MTCL2: variants seen among roughly 807,000 people sequenced by gnomAD.
MTCL2 encodes the protein microtubule crosslinking factor 2.
the MTCL2 span, chr20:36,783,866 G>A: frequency 8.1e-6 from 8 of 984,992 alleles, no homozygotes; most frequent in Admixed American, 1.8e-4. Flanking sequence ...GCTAAAAACC[G>A]AACCAAACCA....
At chr20:36,807,800 G>A in the MTCL2 span, among the ~76,000 whole-genome samples, 2 of 151,250 alleles carry the variant, frequency 1.3e-5, no homozygotes, top group Admixed American at 6.6e-5. Flanking sequence ...GGGAGGCCAA[G>A]GCAGGTGGAT....
chr20:36,824,427 C>T, the MTCL2 span, among the ~76,000 whole-genome samples: 1 of 152,092 alleles, frequency 6.6e-6, no homozygotes, highest in Non-Finnish European at 1.5e-5. Context: ...TCACCAAAGA[C>T]TCCATTTGGA....
the MTCL2 span, chr20:36,793,415 G>A: frequency 6.4e-7 from 1 of 1,551,448 alleles, no homozygotes; most frequent in South Asian, 1.2e-5. The surrounding 1 kb of genome is among the most constrained non-coding windows in gnomAD (Gnocchi z 6.8). Flanking sequence ...TGGGGAGAGG[G>A]GCTCTGGCTT....
chr20:36,860,325 C>A, the MTCL2 span, among the ~76,000 whole-genome samples: 2 of 152,024 alleles, frequency 1.3e-5, no homozygotes, highest in South Asian at 4.1e-4. Context: ...GGCAAACTGT[C>A]CCCTTTACCC....
At chr20:36,837,877 C>T in the MTCL2 span, among the ~76,000 whole-genome samples, 13 of 152,014 alleles carry the variant, frequency 8.6e-5, no homozygotes, top group South Asian at 2.1e-4. Flanking sequence ...GTGCCCAGCC[C>T]GCATTATTTC....
chr20:36,788,494 C>T, the MTCL2 span, among the ~76,000 whole-genome samples: 1 of 151,872 alleles, frequency 6.6e-6, no homozygotes, highest in Non-Finnish European at 1.5e-5. Flanking sequence ...AAAAATTAGC[C>T]GGGCGCGGTG....
At chr20:36,835,784 A>T in the MTCL2 span, among the ~76,000 whole-genome samples, 1 of 152,022 alleles carries the variant, frequency 6.6e-6, no homozygotes, top group South Asian at 2.1e-4. Flanking sequence ...TTCAAACCCC[A>T]ACAGAAACGG....
chr20:36,787,291 G>A, the MTCL2 span, among the ~76,000 whole-genome samples: 33 of 151,824 alleles, frequency 2.2e-4, 1 homozygote, highest in East Asian at 4.9e-3. Context: ...GCAGTGGTAC[G>A]ATCTTGACTC....
chr20:36,861,071 C>T, the MTCL2 span, among the ~76,000 whole-genome samples: 1 of 152,210 alleles, frequency 6.6e-6, no homozygotes, highest in Admixed American at 6.5e-5. Flanking sequence ...TGCAACCCAT[C>T]CCCCTTCACC....
chr20:36,804,472 G>T, the MTCL2 span, among the ~76,000 whole-genome samples: 1 of 152,140 alleles, frequency 6.6e-6, no homozygotes. Context: ...AGCAGGCAGT[G>T]GGGATGTGCA....
At chr20:36,812,560 T>C in the MTCL2 span, 1 of 1,057,480 alleles carries the variant, frequency 9.5e-7, no homozygotes, top group Non-Finnish European at 1.3e-6. Context: ...CTTCTGGCCT[T>C]GGCTGCCAAG....
the MTCL2 span, among the ~76,000 whole-genome samples, chr20:36,804,314 A>C: frequency 6.6e-6 from 1 of 151,904 alleles, no homozygotes; most frequent in Non-Finnish European, 1.5e-5. Context: ...CAGACACCAA[A>C]CCCCCAGGGC....
chr20:36,794,534 C>T, the MTCL2 span: 4 of 1,613,908 alleles, frequency 2.5e-6, no homozygotes, highest in African/African-American at 5.3e-5. This position sits in a 1 kb window ranked among gnomAD's most constrained non-coding sequence, Gnocchi z 5.4. Context: ...GGCATCTCCG[C>T]CAGCAAGGTA....
chr20:36,786,180 T>C, the MTCL2 span: 2 of 1,034,526 alleles, frequency 1.9e-6, no homozygotes, highest in African/African-American at 3.4e-5. Flanking sequence ...GGCAAGGCTC[T>C]CTCTTAGGAC....
chr20:36,812,575 C>A, the MTCL2 span: 1 of 1,264,478 alleles, frequency 7.9e-7, no homozygotes, highest in East Asian at 2.5e-5. Context: ...GCCAAGAAGC[C>A]TGGAACCAAA....
At chr20:36,816,354 G>A in the MTCL2 span, 20 of 1,467,130 alleles carry the variant, frequency 1.4e-5, no homozygotes, top group African/African-American at 2.5e-4. Context: ...AGTGCTGGGA[G>A]TCTCAGTACC....
At chr20:36,812,529 G>T in the MTCL2 span, among the ~76,000 whole-genome samples, 1 of 152,324 alleles carries the variant, frequency 6.6e-6, no homozygotes, top group South Asian at 2.1e-4. Flanking sequence ...CCATGAGAAT[G>T]TCCCAAACTT....
the MTCL2 span, among the ~76,000 whole-genome samples, chr20:36,862,155 C>T: frequency 6.6e-6 from 1 of 152,228 alleles, no homozygotes; most frequent in African/African-American, 2.4e-5. Context: ...AAACTGGACC[C>T]GCCCAGAAAG....
the MTCL2 span, chr20:36,786,201 G>T: frequency 9.1e-7 from 1 of 1,100,726 alleles, no homozygotes; most frequent in Non-Finnish European, 1.1e-6. Context: ...CCAGGGATCG[G>T]CTCTTGACAG....
Sources: gnomAD v4.1 joint callset for allele counts (sites outside exome capture counted in the v4.1 genomes callset) on GRCh38, gnomAD v4.1.1 for gene constraint, Gnocchi (gnomAD v3.1) non-coding constraint, MANE v1.5 for transcripts, NCBI Gene and HGNC (gene_info 2026-07-23, HGNC 2026-07-21) for gene names.